Variants in TPPP observed in about 807,000 individuals in gnomAD.
TPPP encodes tubulin polymerization promoting protein.
TPPP carries 6 observed loss-of-function variants against 15.5 expected under a neutral mutation model. The ratio of observed to expected loss-of-function variants is 0.39; its 90% confidence interval spans 0.21 to 0.77. The LOEUF (loss-of-function observed/expected upper bound fraction) is 0.77, where lower values mean the gene tolerates loss of function less well. TPPP is among the 30% of genes least tolerant of loss of function. The pLI is 0.42. For missense variants in TPPP, 269 were observed against 307.2 expected, an observed-to-expected ratio of 0.88 and a Z score of 0.93; for synonymous variants, 146 against 133.9, an observed-to-expected ratio of 1.09 and a Z score of -0.63.
intron 2 of TPPP, among the ~76,000 whole-genome samples, chr5:673,683 G>A (rs971171983): frequency 6.6e-6 from 1 of 152,340 alleles, no homozygotes; most frequent in Middle Eastern, 3.4e-3. Flanking sequence ...GTCAGCCAAG[G>A]CTGGCACACC....
intron 1 of TPPP, among the ~76,000 whole-genome samples, chr5:684,369 G>T (rs948006071): frequency 1.3e-5 from 2 of 152,220 alleles, no homozygotes; most frequent in African/African-American, 4.8e-5. Flanking sequence ...ACTGCAGGGC[G>T]CCTCCTGGGC....
chr5:692,491 A>G, intron 1 of TPPP: 1 of 260,866 alleles, frequency 3.8e-6, no homozygotes, highest in Non-Finnish European at 5.7e-6. Context: ...CCCCATCAAG[A>G]CAACAGCCCC....
upstream of TPPP, among the ~76,000 whole-genome samples, chr5:693,677 G>A (rs1467229924): frequency 5.9e-5 from 9 of 151,592 alleles, no homozygotes; most frequent in Admixed American, 5.3e-4. Context: ...GCCCCCCGGG[G>A]ACGACCGGAC....
intron 1 of TPPP, among the ~76,000 whole-genome samples, chr5:685,945 C>T (rs1441706655): frequency 1.3e-5 from 2 of 152,202 alleles, no homozygotes; most frequent in African/African-American, 2.4e-5. Flanking sequence ...GCCACAGACG[C>T]CGGGGCTGCC....
At chr5:677,628 G>T (rs1023469162) in intron 2 of TPPP, 122 bp downstream of exon 2, 13 of 893,308 alleles carry the variant, frequency 1.5e-5, no homozygotes, top group African/African-American at 3.5e-5. Context: ...GAGAAGGGCG[G>T]GGTCTTGAAG....
chr5:695,655 C>T (rs1166314406), upstream of TPPP, among the ~76,000 whole-genome samples: 303 of 151,284 alleles, frequency 2.0e-3, no homozygotes, highest in African/African-American at 6.8e-3. Flanking sequence ...CATGGCTCCA[C>T]CTCTGCCCCT....
chr5:692,910 T>C (rs4990987), intron 1 of TPPP: 30,951 of 870,774 alleles, frequency 0.036, 3,174 homozygotes, highest in African/African-American at 0.27. Flanking sequence ...ACGGTTCGAG[T>C]CCCGAGCTGG....
At chr5:693,548 G>A (rs1335073660), upstream of TPPP, among the ~76,000 whole-genome samples, 3 of 151,650 alleles carry the variant, frequency 2.0e-5, no homozygotes, top group African/African-American at 7.2e-5. Context: ...GCCTTACAAG[G>A]CCGACTCTGC....
Position 665,140 on chromosome 5 carries a change from C to T in TPPP, c.622G>A (p.Ala208Thr), listed in dbSNP as rs550883414. 17 of 1,612,834 alleles carry T rather than the reference C, an allele frequency of 1.1e-5. No homozygotes were observed. Among genetic ancestry groups the T allele is most frequent in the South Asian group, 8.8e-5 (8 of 91,084 alleles). The change falls in exon 4 of 4, where the codon GCA (alanine) becomes ACA (threonine). Residue 208 changes from alanine (A) to threonine (T), a missense_variant. Ala to Thr is a moderately conservative substitution (Grantham distance 58). Coordinates refer to ENST00000360578, the MANE Select transcript of TPPP (RefSeq NM_007030.3). The part of the protein sequence containing the change: ...ESGYVSGYKH[A>T]GTYDQKVQGG... ...TGCACCTTCTGGTCGTAGGTGCCTG[C>T]GTGCTTGTAGCCGGACACATAGCCT...
chr5:666,129 G>GGGGAACAGGCGACTTA lies in TPPP; in HGVS notation c.312-7_312-6insTAAGTCGCCTGTTCCC. On this transcript the variant is annotated splice_polypyrimidine_tract_variant and splice_region_variant and intron_variant, in intron 2 of 3. Coordinates refer to ENST00000360578, the MANE Select transcript of TPPP (RefSeq NM_007030.3). ...TGGTCCGGCAAGACTTCCCTCTACA[G>GGGGAACAGGCGACTTA]GGGCACAGGCGACTTAGGGCTGGGC... 1.9e-6 allele frequency: 3 copies of GGGGAACAGGCGACTTA among 1,606,620 alleles called. No individual in the cohort carries two copies. The highest frequency in any genetic ancestry group is 2.5e-6 in the Non-Finnish European group (3 of 1,178,404).
chr5:679,026 T>C (rs1226769071), intron 1 of TPPP, among the ~76,000 whole-genome samples: 1 of 152,108 alleles, frequency 6.6e-6, no homozygotes, highest in Non-Finnish European at 1.5e-5. Context: ...CCGTCAGCAC[T>C]GCACTGAGAG....
chr5:692,202 A>T (rs1740901511), intron 1 of TPPP, among the ~76,000 whole-genome samples: 1 of 96,734 alleles, frequency 1.0e-5, no homozygotes, highest in Non-Finnish European at 2.0e-5. Flanking sequence ...CTATCAAAAC[A>T]GCAGCCCCCC....
In TPPP at chr5:662,874, C is replaced by T. The variant is rs147927538; in HGVS notation, c.*2228G>A. 8.3e-5 allele frequency: 12 copies of T among 143,944 alleles called. No homozygotes were observed. Among genetic ancestry groups the T allele is most frequent in the African/African-American group, 3.0e-4 (11 of 36,656 alleles). The allele number at this position is 143,944 out of a possible 1,614,324, so 8.9% of individuals were successfully genotyped here. On this transcript the variant is annotated 3_prime_UTR_variant, in exon 4 of 4. Transcript: ENST00000360578. ...ATTCCGGTGGCCACTCGTCTGTGAT[C>T]GGGTGATTCCGATGACTGCTCGTCT...
chr5:685,271 G>A (rs1740736304), intron 1 of TPPP, among the ~76,000 whole-genome samples: 1 of 152,238 alleles, frequency 6.6e-6, no homozygotes, highest in African/African-American at 2.4e-5. Context: ...TGCTCTCCAG[G>A]GACCCTGAAG....
At chr5:680,383 G>A (rs1740589143) in intron 1 of TPPP, among the ~76,000 whole-genome samples, 1 of 96,274 alleles carries the variant, frequency 1.0e-5, no homozygotes, top group Admixed American at 1.0e-4. Context: ...GTCCCACTCA[G>A]GCTGAGGGGA....
chr5:678,666 C>G (rs1464838661), intron 1 of TPPP, among the ~76,000 whole-genome samples: 1 of 148,006 alleles, frequency 6.8e-6, no homozygotes, highest in Non-Finnish European at 1.5e-5. Flanking sequence ...TCAGGATGCT[C>G]TTCCCAGGAG....
intron 1 of TPPP, among the ~76,000 whole-genome samples, chr5:680,786 G>A (rs1037284304): frequency 3.3e-5 from 5 of 152,126 alleles, no homozygotes; most frequent in African/African-American, 1.2e-4. Flanking sequence ...CTAGGTTCTT[G>A]TAGTTTTGTT....
At chr5:672,159 C>T (rs1034781302) in intron 2 of TPPP, among the ~76,000 whole-genome samples, 16 of 152,220 alleles carry the variant, frequency 1.1e-4, no homozygotes, top group African/African-American at 3.6e-4. Context: ...GACAAAGTGT[C>T]CTACCGGCCC....
intron 2 of TPPP, among the ~76,000 whole-genome samples, chr5:667,332 C>A (rs1166021773): frequency 6.6e-6 from 1 of 152,194 alleles, no homozygotes; most frequent in Non-Finnish European, 1.5e-5. Context: ...AGGACTGTTT[C>A]TTCCACAAGT....
Sources: allele counts gnomAD v4.1 joint callset (sites outside exome capture counted in the v4.1 genomes callset), GRCh38; gene constraint gnomAD v4.1.1; transcripts MANE v1.5; gene names NCBI Gene and HGNC (gene_info 2026-07-23, HGNC 2026-07-21).